The following XCR1 variants were observed in gnomAD, a reference collection of about 807,000 sequenced individuals.
XCR1 encodes chemokine XC receptor 1.
For missense variants in XCR1, 356 were observed against 424.2 expected (o/e 0.84, Z 1.41); for synonymous variants, 187 against 188.5 (o/e 0.99, Z 0.06).
chr3:46,080,952 A>G (rs563026747), intron 1 of XCR1, among the ~76,000 whole-genome samples: 1 of 152,266 alleles, frequency 6.6e-6, no homozygotes, highest in South Asian at 2.1e-4. Context: ...ATATATGGCA[A>G]TTGGACTTTA....
At chr3:46,061,968 G>A (rs142231781) in intron 4 of XCR1, among the ~76,000 whole-genome samples, 7 of 152,242 alleles carry the variant, frequency 4.6e-5, no homozygotes, top group East Asian at 1.9e-4. Flanking sequence ...TTCCATCCCC[G>A]GAACCCCTAA....
chr3:46,032,319 C>T (rs951445286), upstream of XCR1, among the ~76,000 whole-genome samples: 17 of 152,210 alleles, frequency 1.1e-4, no homozygotes, highest in African/African-American at 3.9e-4. Context: ...CACTGCATTC[C>T]CTTACGCTAG....
chr3:46,030,093 T>G (rs1398169491), upstream of XCR1, among the ~76,000 whole-genome samples: 1 of 152,016 alleles, frequency 6.6e-6, no homozygotes, highest in Non-Finnish European at 1.5e-5. Context: ...CTCTATGTAC[T>G]ATAAAGTCAT....
Position 46,020,925 on chromosome 3 carries a change from G to T in XCR1, c.*21C>A. On this transcript the variant is annotated 3_prime_UTR_variant, in exon 2 of 2. Transcript: ENST00000309285. ...CCAGTCCCTGTCCACCTGCACCTGC[G>T]CCTGCACCGCCACAGGCCCCTCAGT... 6.2e-7 allele frequency: 1 copy of T among 1,600,764 alleles called. No individual in the cohort carries two copies. Among genetic ancestry groups the T allele is most frequent in the Admixed American group, 1.7e-5 (1 of 58,908 alleles).
intron 3 of XCR1, among the ~76,000 whole-genome samples, chr3:46,074,214 C>CTTTTTTTTTTTTTTTTTTTTTTT (rs35124592): frequency 1.4e-4 from 12 of 86,638 alleles, no homozygotes; most frequent in African/African-American, 3.4e-4. Context: ...TGAAGGCCAT[C>CTTTTTTTTTTTTTTTTTTTTTTT]TTTTTTTTTT....
chr3:46,084,342 A>T (rs1354094122), intron 1 of XCR1, among the ~76,000 whole-genome samples: 2 of 152,254 alleles, frequency 1.3e-5, no homozygotes, highest in Non-Finnish European at 2.9e-5. Context: ...ACTTTTAATC[A>T]TAGGAATGTG....
Position 46,019,171 on chromosome 3 carries a change from CTCTT to C in XCR1, c.*1771_*1774del, listed in dbSNP as rs1169577800. The C allele has an allele frequency of 6.6e-6, 1 of 152,190 alleles. No individual in the cohort carries two copies. Among genetic ancestry groups the C allele is most frequent in the Non-Finnish European group, 1.5e-5 (1 of 68,034 alleles). 9.4% of individuals were successfully genotyped at this position (152,190 alleles called of 1,614,324 possible). On this transcript the variant is annotated 3_prime_UTR_variant, in exon 2 of 2. Coordinates refer to ENST00000309285, the MANE Select transcript of XCR1 (RefSeq NM_001024644.2). ...AATCTCTCTACTACTACACCCTACT[CTCTT>C]TCTACTACTCTCTGAGAGTGTAGAC...
chr3:46,023,806 T>A (rs1281425924), intron 1 of XCR1: 1 of 1,537,704 alleles, frequency 6.5e-7, no homozygotes, highest in East Asian at 2.3e-5. Flanking sequence ...TATAGAGGAA[T>A]AGGCAACCAA....
upstream of XCR1, among the ~76,000 whole-genome samples, chr3:46,030,668 A>G (rs906431286): frequency 3.9e-5 from 6 of 152,238 alleles, no homozygotes; most frequent in African/African-American, 1.2e-4. Context: ...AGCAGCTGCT[A>G]CCATCATGCC....
chr3:46,080,448 G>T (rs958311037), intron 1 of XCR1, among the ~76,000 whole-genome samples: 1 of 152,132 alleles, frequency 6.6e-6, no homozygotes, highest in Admixed American at 6.5e-5. Flanking sequence ...TGTAATCCCA[G>T]CTACTTGGGA....
chr3:46,045,389 G>GA (rs529432150), intron 5 of XCR1, among the ~76,000 whole-genome samples: 67 of 141,518 alleles, frequency 4.7e-4, no homozygotes, highest in Admixed American at 1.1e-3. Context: ...TCCATCTTGG[G>GA]AAAAAAAAAA....
chr3:46,073,739 CA>C (rs1162547983), intron 3 of XCR1, among the ~76,000 whole-genome samples: 2 of 144,308 alleles, frequency 1.4e-5, no homozygotes, highest in Non-Finnish European at 3.0e-5. Context: ...CAACAAAATA[CA>C]AATAACCCCA....
chr3:46,072,533 A>C (rs9637425), intron 3 of XCR1, among the ~76,000 whole-genome samples: 51,414 of 151,982 alleles, frequency 0.34, 10,707 homozygotes, highest in East Asian at 0.67. Flanking sequence ...AAAACAAAAC[A>C]AAAAATCCTG....
intron 4 of XCR1, among the ~76,000 whole-genome samples, chr3:46,057,882 GTCTATCTATCTATCTA>G (rs147836844): frequency 8.2e-4 from 111 of 134,878 alleles, no homozygotes; most frequent in East Asian, 3.2e-3. Context: ...TTATCTGTCT[GTCTATCTATCTATCTA>G]TCTATCTATC....
At chr3:46,082,575 C>T (rs1698392502) in intron 1 of XCR1, among the ~76,000 whole-genome samples, 1 of 149,424 alleles carries the variant, frequency 6.7e-6, no homozygotes, top group South Asian at 2.1e-4. Context: ...ACTGCGGCCT[C>T]CAACTCCTGG....
intron 3 of XCR1, among the ~76,000 whole-genome samples, chr3:46,071,917 C>T (rs1698171333): frequency 6.6e-6 from 1 of 152,040 alleles, no homozygotes; most frequent in South Asian, 2.1e-4. Flanking sequence ...AGAATGTCCA[C>T]ATTTACCACT....
chr3:46,021,964 G>A lies in XCR1; in HGVS notation c.-17C>T, dbSNP rs1265070974. 2.5e-6 allele frequency: 4 copies of A among 1,596,014 alleles called. No individual in the cohort carries two copies. On this transcript the variant is annotated 5_prime_UTR_variant, in exon 2 of 2. Transcript: ENST00000309285. The surrounding 1 kb of genome is among the most constrained non-coding windows in gnomAD (Gnocchi z 4.7). ...GGACTCCATCTGGACCAGATGGCAG[G>A]GACGTTTAGAGCATCTGAAATGATA...
intron 1 of XCR1, among the ~76,000 whole-genome samples, chr3:46,080,927 C>A (rs1698351165): frequency 6.6e-6 from 1 of 152,126 alleles, no homozygotes; most frequent in Non-Finnish European, 1.5e-5. Context: ...TTTCCTTTAC[C>A]TTTAGGACCC....
At position 46,019,077 on chromosome 3, in the gene XCR1, A is replaced by G. The variant is rs1708095105; in HGVS notation, c.*1869T>C. 6.6e-6 allele frequency: 1 copy of G among 152,200 alleles called. No individual in the cohort carries two copies. Among genetic ancestry groups the G allele is most frequent in the African/African-American group, 2.4e-5 (1 of 41,454 alleles). The allele number at this position is 152,200 out of a possible 1,614,324, so 9.4% of individuals were successfully genotyped here. A position where few individuals can be genotyped will look rare whatever the true frequency, so the allele number is the denominator to read the frequency against. ...GTGTGAAGCAATGGGCCAGTGTGAG[A>G]GGCAGGGATGCGTACCATGAACTAG... On this transcript the variant is annotated 3_prime_UTR_variant, in exon 2 of 2. Coordinates refer to ENST00000309285, the MANE Select transcript of XCR1 (RefSeq NM_001024644.2).
Sources: allele counts gnomAD v4.1 joint callset (sites outside exome capture counted in the v4.1 genomes callset), GRCh38; gene constraint gnomAD v4.1.1; non-coding constraint Gnocchi (gnomAD v3.1); transcripts MANE v1.5; gene names NCBI Gene and HGNC (gene_info 2026-07-23, HGNC 2026-07-21).